The following ARID5B variants were observed in gnomAD, a reference collection of about 807,000 sequenced individuals.
ARID5B encodes AT-rich interaction domain 5B.
Under a neutral mutation model 97.2 loss-of-function variants are expected in ARID5B, and 13 were observed. The observed-to-expected ratio is 0.13, with a 90% CI of 0.09 to 0.21. The LOEUF (loss-of-function observed/expected upper bound fraction) is 0.21. Ranked by LOEUF, ARID5B falls within the 10% of genes least tolerant of loss-of-function variation. ARID5B has a pLI of 1.00. For synonymous variants in ARID5B, 556 were observed against 570.3 expected (o/e 0.97, Z 0.36); for missense variants, 1,210 against 1,465.3 (o/e 0.83, Z 2.84).
intron 4 of ARID5B, among the ~76,000 whole-genome samples, chr10:62,031,882 T>G (rs1340894177): frequency 6.6e-6 from 1 of 152,116 alleles, no homozygotes; most frequent in African/African-American, 2.4e-5. Flanking sequence ...CAATTGATGA[T>G]AAGAAAAAAT....
chr10:61,910,820 GA>G (rs1258396346), intron 2 of ARID5B, among the ~76,000 whole-genome samples: 23 of 152,318 alleles, frequency 1.5e-4, no homozygotes, highest in African/African-American at 5.1e-4. Context: ...TTATCACGCA[GA>G]CTAGGATGGG....
chr10:61,965,613 A>G (rs4948493), intron 3 of ARID5B, among the ~76,000 whole-genome samples: 82,921 of 151,774 alleles, frequency 0.55, 22,861 homozygotes, highest in Non-Finnish European at 0.59. Context: ...GTCAATTCAG[A>G]AAAAAAATTT....
At chr10:61,998,275 C>T (rs935649481) in intron 3 of ARID5B, among the ~76,000 whole-genome samples, 1 of 152,196 alleles carries the variant, frequency 6.6e-6, no homozygotes, top group Non-Finnish European at 1.5e-5. Flanking sequence ...CATTCGTCTC[C>T]CACTGGTTAC....
chr10:62,085,848 C>T lies in ARID5B; in HGVS notation c.1346C>T (p.Pro449Leu). Residue 449 changes from proline (P) to leucine (L), a missense_variant, in exon 9 of 10, where the codon CCT (proline) becomes CTT (leucine). Transcript: ENST00000279873. Reference protein sequence around the residue: ...SGTKRIKHEIPKSKKEKENAP... With the variant: ...SGTKRIKHEILKSKKEKENAP... ...ACCAAACGCATCAAACATGAAATAC[C>T]TAAAAGCAAGAAAGAAAAAGAAAAT... is the stretch of plus-strand genomic sequence containing the variant. The T allele has an allele frequency of 6.2e-7, 1 of 1,613,836 alleles. No homozygotes were observed. The highest frequency in any genetic ancestry group is 8.5e-7 in the Non-Finnish European group (1 of 1,179,980).
rs1840478896 is a variant in ARID5B at position 62,096,930 on chromosome 10, G to T, written c.*3900G>T. On this transcript the variant is annotated 3_prime_UTR_variant, in exon 10 of 10. Coordinates refer to ENST00000279873, the MANE Select transcript of ARID5B (RefSeq NM_032199.3). ...TCCACTGTAATATTTAATAAAAAAT[G>T]TTACTATCTGTTTCCTTTTGGGTGT... The T allele has an allele frequency of 1.3e-5, 3 of 232,086 alleles. No individual in the cohort carries two copies. The highest frequency in any genetic ancestry group is 2.6e-5 in the Non-Finnish European group (3 of 117,194). 14.4% of individuals were successfully genotyped at this position (232,086 alleles called of 1,614,324 possible).
At chr10:62,049,519 G>A (rs1839757213) in intron 4 of ARID5B, 3 of 1,550,318 alleles carry the variant, frequency 1.9e-6, no homozygotes, top group Non-Finnish European at 2.6e-6. Context: ...ATTTTTGTTT[G>A]TGAGCTTGTT....
chr10:61,965,192 T>C (rs77212316), intron 3 of ARID5B, among the ~76,000 whole-genome samples: 23 of 152,190 alleles, frequency 1.5e-4, no homozygotes, highest in South Asian at 6.2e-4. Flanking sequence ...GCAGGGTATT[T>C]TTTTTATAGT....
chr10:62,040,434 A>G (rs1455304234), intron 4 of ARID5B, among the ~76,000 whole-genome samples: 1 of 152,160 alleles, frequency 6.6e-6, no homozygotes, highest in Non-Finnish European at 1.5e-5. Flanking sequence ...TCTTAAATGT[A>G]TTGAAACATT....
At chr10:61,952,670 T>G (rs1331031612) in intron 3 of ARID5B, among the ~76,000 whole-genome samples, 1 of 152,234 alleles carries the variant, frequency 6.6e-6, no homozygotes, top group Non-Finnish European at 1.5e-5. Flanking sequence ...GTGGAGAGGC[T>G]GTTTCATTGG....
chr10:61,988,340 G>A (rs1251680736), intron 3 of ARID5B, among the ~76,000 whole-genome samples: 2 of 152,200 alleles, frequency 1.3e-5, no homozygotes, highest in Non-Finnish European at 2.9e-5. Context: ...ATGGTTTTGT[G>A]GACATGGCAC....
chr10:62,072,981 C>T (rs1840084217), intron 8 of ARID5B, among the ~76,000 whole-genome samples: 1 of 152,172 alleles, frequency 6.6e-6, no homozygotes, highest in South Asian at 2.1e-4. Context: ...TCACAGGTTG[C>T]ATGAACAGAT....
At chr10:61,902,455 T>G in intron 2 of ARID5B, 42 bp downstream of exon 2, 1 of 1,605,144 alleles carries the variant, frequency 6.2e-7, no homozygotes, top group Non-Finnish European at 8.5e-7. Context: ...TTTATTATTT[T>G]TCCCCCTAGT....
In ARID5B at chr10:62,001,076, C is replaced by T. The variant is rs758752421; in HGVS notation, c.733+755C>T. ...CATCACCAGTTTGGGAAGCCTTACA[C>T]GGTGCAGTAGATGGCGAGATGCAAG... On this transcript the variant is annotated intron_variant, in intron 4 of 9. Transcript: ENST00000279873. 6.4e-4 allele frequency among the ~76,000 whole-genome samples: 98 copies of T among 152,282 alleles called. 1 individual carries two copies. Among genetic ancestry groups the T allele is most frequent in the Non-Finnish European group, 9.3e-4 (63 of 68,012 alleles).
chr10:61,980,751 C>G (rs1053480704), intron 3 of ARID5B, among the ~76,000 whole-genome samples: 1 of 152,142 alleles, frequency 6.6e-6, no homozygotes, highest in Non-Finnish European at 1.5e-5. Flanking sequence ...GAATGGCAAA[C>G]CCAAGATGGG....
At chr10:61,965,496 G>A (rs1838531944) in intron 3 of ARID5B, among the ~76,000 whole-genome samples, 1 of 152,032 alleles carries the variant, frequency 6.6e-6, no homozygotes, top group South Asian at 2.1e-4. Flanking sequence ...TGAATGTAGG[G>A]CAGTATGATT....
chr10:61,973,793 C>T (rs956382840), intron 3 of ARID5B, among the ~76,000 whole-genome samples: 1 of 152,102 alleles, frequency 6.6e-6, no homozygotes, highest in Non-Finnish European at 1.5e-5. Context: ...TATTTCTTTT[C>T]TTTTCCACAT....
chr10:61,911,471 T>C (rs939928494), intron 2 of ARID5B, among the ~76,000 whole-genome samples: 1 of 152,208 alleles, frequency 6.6e-6, no homozygotes, highest in Non-Finnish European at 1.5e-5. Context: ...GAAGAAGTTT[T>C]ATTGTGGTGG....
intron 4 of ARID5B, among the ~76,000 whole-genome samples, chr10:62,044,402 A>T: frequency 6.9e-6 from 1 of 145,252 alleles, no homozygotes. Flanking sequence ...TTTTTAAGAG[A>T]CAAGGTCTCA....
At chr10:61,968,563 G>A (rs1335924588) in intron 3 of ARID5B, among the ~76,000 whole-genome samples, 2 of 151,708 alleles carry the variant, frequency 1.3e-5, no homozygotes, top group Non-Finnish European at 1.5e-5. Context: ...TATTTCTAAG[G>A]CACCATTACT....
Sources: gnomAD v4.1 joint callset for allele counts (sites outside exome capture counted in the v4.1 genomes callset) on GRCh38, gnomAD v4.1.1 for gene constraint, MANE v1.5 for transcripts, NCBI Gene and HGNC (gene_info 2026-07-23, HGNC 2026-07-21) for gene names.